TAB2: variants seen among roughly 807,000 people sequenced by gnomAD.
The protein encoded by TAB2 is TGF-beta-activated kinase 1 and MAP3K7-binding protein 2.
A neutral mutation model predicts 65.0 loss-of-function variants in TAB2; 3 were observed. The ratio of observed to expected loss-of-function variants is 0.05; its 90% confidence interval spans 0.02 to 0.12. The LOEUF is 0.12. Ranked by LOEUF, TAB2 falls within the 10% of genes least tolerant of loss-of-function variation. TAB2 has a pLI of 1.00. For synonymous variants in TAB2, 298 were observed against 285.1 expected, an observed-to-expected ratio of 1.05 and a Z score of -0.46; for missense variants, 623 against 840.3, an observed-to-expected ratio of 0.74 and a Z score of 3.20.
At chr6:149,396,655 A>G (rs1782181957) in intron 3 of TAB2, among the ~76,000 whole-genome samples, 2 of 152,248 alleles carry the variant, frequency 1.3e-5, no homozygotes, top group Admixed American at 1.3e-4. Flanking sequence ...ACAAAAACAT[A>G]TACCAGTATT....
chr6:149,261,880 A>G (rs373843181), intron 1 of TAB2, among the ~76,000 whole-genome samples: 16 of 152,332 alleles, frequency 1.1e-4, no homozygotes, highest in Admixed American at 3.3e-4. Flanking sequence ...CTTGGGGAAT[A>G]AATTTAGCAC....
chr6:149,330,647 T>C (rs549093853), intron 1 of TAB2, among the ~76,000 whole-genome samples: 1 of 152,282 alleles, frequency 6.6e-6, no homozygotes, highest in African/African-American at 2.4e-5. Flanking sequence ...TCTTGTTGAG[T>C]TTAGAGAGTT....
chr6:149,326,518 A>G (rs968541372), intron 1 of TAB2, among the ~76,000 whole-genome samples: 4 of 151,470 alleles, frequency 2.6e-5, no homozygotes, highest in African/African-American at 9.7e-5. Context: ...TATAAGGTAC[A>G]TGTTGGTCTT....
intron 1 of TAB2, among the ~76,000 whole-genome samples, chr6:149,259,100 T>G (rs1167810547): frequency 6.6e-6 from 1 of 152,180 alleles, no homozygotes; most frequent in Non-Finnish European, 1.5e-5. Flanking sequence ...GAGAGCCACT[T>G]TAGACTTCTG....
chr6:149,320,298 A>G (rs1779398411), intron 1 of TAB2, among the ~76,000 whole-genome samples: 1 of 152,100 alleles, frequency 6.6e-6, no homozygotes, highest in Non-Finnish European at 1.5e-5. Flanking sequence ...GCTGGTCTCG[A>G]ACTCCTGACC....
At chr6:149,299,841 ATTT>A (rs5880830) in intron 1 of TAB2, among the ~76,000 whole-genome samples, 2 of 146,580 alleles carry the variant, frequency 1.4e-5, no homozygotes, top group African/African-American at 5.0e-5. Flanking sequence ...CAGTTCTACA[ATTT>A]TTTTTTTTTT....
upstream of TAB2, among the ~76,000 whole-genome samples, chr6:149,316,973 G>C (rs1779269812): frequency 6.6e-6 from 1 of 151,530 alleles, no homozygotes; most frequent in East Asian, 1.9e-4. Context: ...GTCCCGGACC[G>C]CAGCGACCCG....
chr6:149,273,743 T>C (rs769432512), intron 1 of TAB2, among the ~76,000 whole-genome samples: 11 of 152,212 alleles, frequency 7.2e-5, no homozygotes, highest in Non-Finnish European at 1.2e-4. Flanking sequence ...CCCTACTTTG[T>C]CTCTGGTCCC....
chr6:149,304,316 C>T (rs1779020301), intron 1 of TAB2: 1 of 153,042 alleles, frequency 6.5e-6, no homozygotes, highest in Admixed American at 6.5e-5. Flanking sequence ...TAAAAGCAAT[C>T]TCATTATTTT....
intron 1 of TAB2, among the ~76,000 whole-genome samples, chr6:149,284,933 A>C (rs1271694017): frequency 6.6e-6 from 1 of 152,130 alleles, no homozygotes; most frequent in Non-Finnish European, 1.5e-5. Flanking sequence ...CCTAATGCCC[A>C]CAGAGCCAGC....
chr6:149,218,715 C>A lies in TAB2; in HGVS notation c.-182C>A, dbSNP rs140411913. 3 of 455,614 alleles carry A rather than the reference C, an allele frequency of 6.6e-6. No homozygotes were observed. In the Admixed American group the frequency reaches 7.1e-5, roughly 11 times the overall value. The allele number at this position is 455,614 out of a possible 1,614,324, so 28.2% of individuals were successfully genotyped here. On this transcript the variant is annotated 5_prime_UTR_variant, in exon 1 of 2. Transcript: ENST00000606202. The stretch of plus-strand genomic sequence containing the variant: ...TCTGATCCAGTTTCAATATGACTGC[C>A]TGGATGAAGAAGGATTTGAGACTAA...
At chr6:149,253,794 C>G (rs376404053) in intron 1 of TAB2, among the ~76,000 whole-genome samples, 1 of 149,850 alleles carries the variant, frequency 6.7e-6, no homozygotes, top group Non-Finnish European at 1.5e-5. Flanking sequence ...TGGTGGAGCA[C>G]GCCTGTAATC....
chr6:149,409,876 T>A lies in TAB2; in HGVS notation c.*157T>A. 1.3e-6 allele frequency: 1 copy of A among 797,602 alleles called. No homozygotes were observed. Among genetic ancestry groups the A allele is most frequent in the Non-Finnish European group, 2.1e-6 (1 of 481,724 alleles). 49.4% of individuals were successfully genotyped at this position (797,602 alleles called of 1,614,324 possible). A position where few individuals can be genotyped will look rare whatever the true frequency, so the allele number is the denominator to read the frequency against. ...GTTAAATGTCAGCCCACAGAGCTAA[T>A]AATACCTCAGTATAATGTCATGAGC... On this transcript the variant is annotated 3_prime_UTR_variant, in exon 7 of 7. Transcript: ENST00000637181.
In TAB2 at chr6:149,410,111, A is replaced by G; in HGVS notation, c.*392A>G. The G allele has an allele frequency of 3.7e-6, 1 of 268,034 alleles. No individual in the cohort carries two copies. The highest frequency in any genetic ancestry group is 7.2e-6 in the Non-Finnish European group (1 of 138,032). 16.6% of individuals were successfully genotyped at this position (268,034 alleles called of 1,614,324 possible). A position where few individuals can be genotyped will look rare whatever the true frequency, so the allele number is the denominator to read the frequency against. ...AGCTTGTTTTATTTGTAAAGCTTTC[A>G]GTGAAACACTACATACACGAAGAAA... On this transcript the variant is annotated 3_prime_UTR_variant, in exon 7 of 7. Transcript: ENST00000637181.
At chr6:149,312,355 T>A (rs9404027) in intron 1 of TAB2, among the ~76,000 whole-genome samples, 66,592 of 151,976 alleles carry the variant, frequency 0.44, 14,941 homozygotes, top group Middle Eastern at 0.59. Flanking sequence ...TGCTTTTTTT[T>A]AATTTTTTTG....
chr6:149,397,955 G>T lies in TAB2; in HGVS notation c.1765-14G>T, dbSNP rs1202325656. On this transcript the variant is annotated splice_polypyrimidine_tract_variant and intron_variant, in intron 4 of 6. Coordinates refer to ENST00000637181, the MANE Select transcript of TAB2 (RefSeq NM_001292034.3). ...ATTCAGTGCAAATCTTACTTACATA[G>T]AATTATTTTTCAGCTTGAAGAAATG... is the stretch of plus-strand genomic sequence containing the variant. The T allele has an allele frequency of 6.2e-7, 1 of 1,611,006 alleles. No individual in the cohort carries two copies.
chr6:149,306,512 C>T (rs1386972514), intron 1 of TAB2, among the ~76,000 whole-genome samples: 2 of 148,638 alleles, frequency 1.3e-5, no homozygotes, highest in Admixed American at 6.7e-5. Context: ...GAGCCAAGAT[C>T]GCGCCACTGC....
At chr6:149,273,488 G>A (rs1241043279) in intron 1 of TAB2, among the ~76,000 whole-genome samples, 3 of 152,200 alleles carry the variant, frequency 2.0e-5, no homozygotes, top group African/African-American at 7.2e-5. Context: ...AGTGAACTCT[G>A]GCAGCAAGGG....
intron 6 of TAB2, among the ~76,000 whole-genome samples, chr6:149,407,924 A>C (rs1208964694): frequency 6.6e-6 from 1 of 152,178 alleles, no homozygotes; most frequent in South Asian, 2.1e-4. Flanking sequence ...GGCATTTAAT[A>C]ATACATTGAA....
Sources: gnomAD v4.1 joint callset for allele counts (sites outside exome capture counted in the v4.1 genomes callset) on GRCh38, gnomAD v4.1.1 for gene constraint, MANE v1.5 for transcripts, NCBI Gene and HGNC (gene_info 2026-07-23, HGNC 2026-07-21) for gene names.